ANXA8: variants seen among roughly 807,000 people sequenced by gnomAD.
The protein encoded by ANXA8 is annexin A8.
A neutral mutation model predicts 26.8 loss-of-function variants in ANXA8; 9 were observed. The observed-to-expected ratio is 0.34, with a 90% confidence interval of 0.20 to 0.59. ANXA8 has a LOEUF of 0.59. Ranked by LOEUF, ANXA8 falls within the 20% of genes least tolerant of loss-of-function variation. ANXA8 has a pLI of 0.84. For missense variants in ANXA8, 83 were observed against 238.5 expected, an observed-to-expected ratio of 0.35 and a Z score of 4.29; for synonymous variants, 39 against 94.8, an observed-to-expected ratio of 0.41 and a Z score of 3.42.
At chr10:47,534,932 G>C in the ANXA8 span, among the ~76,000 whole-genome samples, 2 of 95,636 alleles carry the variant, frequency 2.1e-5, no homozygotes, top group East Asian at 8.6e-4. Context: ...TGGGATTACA[G>C]GCGTGAGCCA....
chr10:47,685,402 G>T, the ANXA8 span, among the ~76,000 whole-genome samples: 1 of 150,182 alleles, frequency 6.7e-6, no homozygotes, highest in Non-Finnish European at 1.5e-5. Context: ...GTGTTTTGTG[G>T]ATCTCACATT....
the ANXA8 span, among the ~76,000 whole-genome samples, chr10:47,697,163 C>T: frequency 1.3e-5 from 2 of 152,182 alleles, no homozygotes; most frequent in African/African-American, 4.8e-5. Flanking sequence ...GTTTTGGTCA[C>T]TGGACTCAGA....
At chr10:47,950,434 T>C in the ANXA8 span, among the ~76,000 whole-genome samples, 10 of 152,096 alleles carry the variant, frequency 6.6e-5, no homozygotes, top group Admixed American at 6.5e-4. Flanking sequence ...AAATACAGAT[T>C]TTTAGGTGTA....
chr10:47,552,396 A>G, the ANXA8 span, among the ~76,000 whole-genome samples: 1 of 151,670 alleles, frequency 6.6e-6, no homozygotes, highest in Non-Finnish European at 1.5e-5. Flanking sequence ...CTAGACATCG[A>G]CTGGACTAAC....
chr10:47,513,521 G>C, the ANXA8 span, among the ~76,000 whole-genome samples: 1 of 141,716 alleles, frequency 7.1e-6, no homozygotes, highest in African/African-American at 2.6e-5. Flanking sequence ...CTTCTTCACA[G>C]AACTAGAAAA....
the ANXA8 span, among the ~76,000 whole-genome samples, chr10:47,623,613 A>T: frequency 9.1e-6 from 1 of 110,090 alleles, no homozygotes; most frequent in Non-Finnish European, 2.0e-5. Flanking sequence ...CAAAGTCTTA[A>T]AACCCATGCA....
At chr10:47,581,506 G>C in the ANXA8 span, 1 of 549,006 alleles carries the variant, frequency 1.8e-6, no homozygotes, top group Non-Finnish European at 3.6e-6. Flanking sequence ...TGTTTCCCTT[G>C]GCTGTATTCC....
At chr10:47,506,777 C>A in the ANXA8 span, among the ~76,000 whole-genome samples, 1 of 144,670 alleles carries the variant, frequency 6.9e-6, no homozygotes, top group East Asian at 2.7e-4. Context: ...ATACGTGGGA[C>A]TACAGGTGCG....
the ANXA8 span, among the ~76,000 whole-genome samples, chr10:47,756,697 G>C: frequency 6.6e-6 from 1 of 152,308 alleles, no homozygotes; most frequent in Non-Finnish European, 1.5e-5. Context: ...ACCTCACTGG[G>C]ATGGGTGGGA....
the ANXA8 span, among the ~76,000 whole-genome samples, chr10:47,704,002 G>A: frequency 2.8e-5 from 4 of 142,128 alleles, no homozygotes; most frequent in African/African-American, 9.8e-5. Flanking sequence ...TCAAGGTAAT[G>A]AAAAAGAAAA....
At chr10:47,699,671 A>C in the ANXA8 span, among the ~76,000 whole-genome samples, 1 of 151,458 alleles carries the variant, frequency 6.6e-6, no homozygotes, top group East Asian at 1.9e-4. Flanking sequence ...GAAAAAGAAA[A>C]AGAAAAAAAT....
At chr10:47,775,373 AAAAACAAAAC>A in the ANXA8 span, among the ~76,000 whole-genome samples, 3 of 151,164 alleles carry the variant, frequency 2.0e-5, no homozygotes, top group Admixed American at 6.6e-5. Flanking sequence ...CCTCAGTCTC[AAAAACAAAAC>A]AAAACAAAAC....
At chr10:47,733,149 CTTTCTTTCTTTCTTTCTTTCTT>C in the ANXA8 span, among the ~76,000 whole-genome samples, 12 of 68,228 alleles carry the variant, frequency 1.8e-4, no homozygotes, top group African/African-American at 6.6e-4. Context: ...CCTAATCTTT[CTTTCTTTCTTTCTTTCTTTCTT>C]TCTTTCTTTC....
At chr10:47,508,022 G>A in the ANXA8 span, among the ~76,000 whole-genome samples, 3 of 127,724 alleles carry the variant, frequency 2.3e-5, no homozygotes, top group Admixed American at 2.5e-4. Context: ...AGCCTCCCAA[G>A]AAGCTGGGAC....
At chr10:47,749,321 C>T in the ANXA8 span, among the ~76,000 whole-genome samples, 2 of 148,366 alleles carry the variant, frequency 1.3e-5, no homozygotes, top group African/African-American at 5.0e-5. Context: ...AAAGGGAATT[C>T]TTCAGGTAGA....
At chr10:47,653,263 G>C in the ANXA8 span, among the ~76,000 whole-genome samples, 2 of 149,724 alleles carry the variant, frequency 1.3e-5, no homozygotes, top group Non-Finnish European at 2.9e-5. Flanking sequence ...AGTGAGCCGA[G>C]ACTGCGCCAC....
chr10:47,942,386 C>T, the ANXA8 span, among the ~76,000 whole-genome samples: 1 of 144,146 alleles, frequency 6.9e-6, no homozygotes, highest in Non-Finnish European at 1.5e-5. Flanking sequence ...TGCTGTGCTG[C>T]TTCACCTGCT....
the ANXA8 span, among the ~76,000 whole-genome samples, chr10:47,691,689 G>A: frequency 2.0e-5 from 3 of 150,242 alleles, no homozygotes; most frequent in South Asian, 6.2e-4. Flanking sequence ...AGCCCAGGAG[G>A]TTGAGGCTGC....
chr10:47,733,215 T>TCTC, the ANXA8 span, among the ~76,000 whole-genome samples: 10 of 94,950 alleles, frequency 1.1e-4, no homozygotes, highest in Non-Finnish European at 1.7e-4. Flanking sequence ...CTTTCTTTCT[T>TCTC]TCTTTCTCTT....
Sources: gnomAD v4.1 joint callset for allele counts (sites outside exome capture counted in the v4.1 genomes callset) on GRCh38, gnomAD v4.1.1 for gene constraint, MANE v1.5 for transcripts, NCBI Gene and HGNC (gene_info 2026-07-23, HGNC 2026-07-21) for gene names.